PRKACB: variants seen among roughly 807,000 people sequenced by gnomAD.
The protein encoded by PRKACB is cAMP-dependent protein kinase catalytic subunit beta.
Under a neutral mutation model 51.4 loss-of-function variants are expected in PRKACB, and 16 were observed. The observed-to-expected ratio is 0.31, with a 90% confidence interval of 0.21 to 0.47. The LOEUF (loss-of-function observed/expected upper bound fraction) is 0.47, where lower values mean the gene tolerates loss of function less well. Ranked by LOEUF, PRKACB falls within the 20% of genes least tolerant of loss-of-function variation. The probability of loss-of-function intolerance (pLI) is 1.00; values close to 1 mark genes in which losing one functional copy is unlikely to be tolerated. For missense variants in PRKACB, 309 were observed against 464.5 expected (o/e 0.67, Z 3.08); for synonymous variants, 147 against 154.4 (o/e 0.95, Z 0.35).
intron 1 of PRKACB, among the ~76,000 whole-genome samples, chr1:84,119,697 G>A (rs140038577): frequency 1.3e-5 from 2 of 152,124 alleles, no homozygotes; most frequent in Admixed American, 1.3e-4. Flanking sequence ...AAAATTCCTG[G>A]GGAAAGGCAA....
intron 1 of PRKACB, among the ~76,000 whole-genome samples, chr1:84,081,229 C>T (rs980605654): frequency 5.9e-5 from 9 of 152,114 alleles, no homozygotes; most frequent in African/African-American, 2.2e-4. Flanking sequence ...TTAGAAGGGT[C>T]TTGGTTAACT....
chr1:84,225,242 T>C (rs955417271), intron 9 of PRKACB, among the ~76,000 whole-genome samples: 8 of 152,176 alleles, frequency 5.3e-5, no homozygotes, highest in Admixed American at 1.3e-4. Context: ...TAGCATCCAG[T>C]TGGGCCAGTT....
At chr1:84,193,086 G>A (rs1667252570) in intron 5 of PRKACB, among the ~76,000 whole-genome samples, 1 of 152,024 alleles carries the variant, frequency 6.6e-6, no homozygotes, top group Non-Finnish European at 1.5e-5. Flanking sequence ...GTCAACAGGG[G>A]GAAAATAACC....
intron 1 of PRKACB, among the ~76,000 whole-genome samples, chr1:84,106,908 C>A (rs1389751237): frequency 2.0e-5 from 3 of 152,012 alleles, no homozygotes; most frequent in East Asian, 3.9e-4. Flanking sequence ...AAAACAGACA[C>A]ATGGACCAAT....
At chr1:84,199,685 G>A (rs1669498152) in intron 7 of PRKACB, among the ~76,000 whole-genome samples, 1 of 152,114 alleles carries the variant, frequency 6.6e-6, no homozygotes. Context: ...GGATTGCTGG[G>A]TCGAATGGTA....
chr1:84,235,295 G>T lies in PRKACB; in HGVS notation c.1187G>T (p.Gly396Val). 6.2e-7 allele frequency: 1 copy of T among 1,613,984 alleles called. No individual in the cohort carries two copies. Among genetic ancestry groups the T allele is most frequent in the African/African-American group, 1.3e-5 (1 of 75,036 alleles). Reference sequence around the variant, plus strand: ...ACAGAAAAATGTGCAAAAGAATTTGGTGAATTTTAAAGAGGAACAAGATGA... The same window carrying T: ...ACAGAAAAATGTGCAAAAGAATTTGTTGAATTTTAAAGAGGAACAAGATGA... Reference protein sequence around the residue: ...SITEKCAKEFGEF With the variant: ...SITEKCAKEFVEF The change falls in exon 10 of 10, where the codon GGT (glycine) becomes GTT (valine). Residue 396 changes from glycine (G) to valine (V), a missense_variant. By Grantham distance (109) the Gly-to-Val change is moderately radical. Transcript: ENST00000370685.
chr1:84,117,757 G>GT (rs1650747708), intron 1 of PRKACB, among the ~76,000 whole-genome samples: 1 of 152,068 alleles, frequency 6.6e-6, no homozygotes, highest in Non-Finnish European at 1.5e-5. Context: ...TTTGTTGATC[G>GT]TTTATGTTGT....
intron 9 of PRKACB, among the ~76,000 whole-genome samples, chr1:84,216,965 A>G (rs1672972009): frequency 6.6e-6 from 1 of 152,202 alleles, no homozygotes; most frequent in Admixed American, 6.5e-5. Context: ...TGCTTTGAGC[A>G]TTTTGGGAGT....
At chr1:84,095,527 G>T (rs1648861705) in intron 1 of PRKACB, among the ~76,000 whole-genome samples, 1 of 151,760 alleles carries the variant, frequency 6.6e-6, no homozygotes, top group Non-Finnish European at 1.5e-5. Context: ...GTTGCTTTAT[G>T]AAGGTAGTAT....
intron 1 of PRKACB, among the ~76,000 whole-genome samples, chr1:84,135,739 T>A (rs891185687): frequency 2.0e-5 from 3 of 149,376 alleles, no homozygotes; most frequent in African/African-American, 2.5e-5. Flanking sequence ...AGTTTATCAA[T>A]TTTTTTTTGC....
At chr1:84,195,925 A>T (rs1668125293) in intron 5 of PRKACB, among the ~76,000 whole-genome samples, 1 of 152,058 alleles carries the variant, frequency 6.6e-6, no homozygotes, top group African/African-American at 2.4e-5. Context: ...AAAAAAAAAA[A>T]AAGAACTGTA....
At chr1:84,174,477 A>C (rs1478632285) in intron 1 of PRKACB, among the ~76,000 whole-genome samples, 7 of 151,832 alleles carry the variant, frequency 4.6e-5, no homozygotes, top group African/African-American at 1.7e-4. Flanking sequence ...TCATTTCCTT[A>C]ACAGTGGAAA....
chr1:84,122,653 G>A lies in PRKACB; in HGVS notation c.46+44282G>A, dbSNP rs935114355. ...CTTACCAAATTAAATGTAATGTGAC[G>A]TTTACTAGTATTTTTCCATTAAATT... On this transcript the variant is annotated intron_variant, in intron 1 of 8. Coordinates refer to the PRKACB transcript ENST00000370688. 7.2e-5 allele frequency among the ~76,000 whole-genome samples: 11 copies of A among 152,036 alleles called. No homozygotes were observed. The East Asian group carries it at 7.7e-4, about 11-fold the overall frequency.
intron 8 of PRKACB, chr1:84,204,421 C>A (rs931895122): frequency 7.0e-5 from 92 of 1,311,290 alleles, no homozygotes; most frequent in Non-Finnish European, 8.7e-5. Flanking sequence ...TGCTGTTCTT[C>A]TTACATTTGT....
chr1:84,223,099 T>C (rs1490739108), intron 9 of PRKACB, among the ~76,000 whole-genome samples: 1 of 152,024 alleles, frequency 6.6e-6, no homozygotes, highest in Non-Finnish European at 1.5e-5. Context: ...ATTAAATGAG[T>C]TTTTCTATGT....
Position 84,120,886 on chromosome 1 carries a change from GTT to G in PRKACB, c.46+42516_46+42517del, listed in dbSNP as rs541952437. On this transcript the variant is annotated intron_variant, in intron 1 of 8. Coordinates refer to the PRKACB transcript ENST00000370688. Reference sequence around the variant, plus strand: ...GGTTCCCAGATACTTGTTTTTTATGGTTGAAGAAACACCAGGTAATGGTCCCT... The same window carrying G: ...GGTTCCCAGATACTTGTTTTTTATGGGAAGAAACACCAGGTAATGGTCCCT... Among the ~76,000 whole-genome samples the G allele has an allele frequency of 7.4e-4, 113 of 152,014 alleles. 1 individual carries two copies. Among genetic ancestry groups the G allele is most frequent in the Admixed American group, 3.5e-3 (53 of 15,234 alleles).
At chr1:84,105,845 T>C (rs1167476565) in intron 1 of PRKACB, among the ~76,000 whole-genome samples, 1 of 152,086 alleles carries the variant, frequency 6.6e-6, no homozygotes, top group Non-Finnish European at 1.5e-5. Context: ...CCCAAAGTGC[T>C]GGGATTATAG....
upstream of PRKACB, among the ~76,000 whole-genome samples, chr1:84,142,623 C>A (rs1053214202): frequency 2.6e-5 from 4 of 152,098 alleles, no homozygotes; most frequent in African/African-American, 9.7e-5. Flanking sequence ...ACAAAGTATA[C>A]AGAAATGAGC....
chr1:84,145,141 G>C (rs1194480111), intron 1 of PRKACB, among the ~76,000 whole-genome samples: 1 of 151,998 alleles, frequency 6.6e-6, no homozygotes, highest in Non-Finnish European at 1.5e-5. Context: ...TCAAATGCAG[G>C]AAAAGTTGGT....
Sources: allele counts gnomAD v4.1 joint callset (sites outside exome capture counted in the v4.1 genomes callset), GRCh38; gene constraint gnomAD v4.1.1; transcripts MANE v1.5; gene names NCBI Gene and HGNC (gene_info 2026-07-23, HGNC 2026-07-21).